FHIT: variants seen among roughly 807,000 people sequenced by gnomAD.
The protein encoded by FHIT is bis(5'-adenosyl)-triphosphatase.
FHIT carries 19 observed loss-of-function variants against 17.9 expected under a neutral mutation model. The observed-to-expected ratio is 1.06, with a 90% CI of 0.74 to 1.56. The LOEUF is 1.56. Ranked by LOEUF, FHIT falls within the 40% of genes most tolerant of loss-of-function variation. FHIT has a pLI of 0.00. For synonymous variants in FHIT, 81 were observed against 69.7 expected (o/e 1.16, Z -0.81); for missense variants, 248 against 189.2 (o/e 1.31, Z -1.82).
intron 8 of FHIT, among the ~76,000 whole-genome samples, chr3:59,902,597 T>C (rs1026039693): frequency 6.6e-5 from 10 of 151,864 alleles, no homozygotes; most frequent in Non-Finnish European, 1.2e-4. Context: ...AATAATGGAA[T>C]ACGATTTACT....
At chr3:61,137,049 T>C (rs979060552) in intron 2 of FHIT, among the ~76,000 whole-genome samples, 1 of 152,172 alleles carries the variant, frequency 6.6e-6, no homozygotes, top group Admixed American at 6.5e-5. Context: ...TTTCAGAATC[T>C]AGAGATGCTT....
At chr3:60,629,896 T>G (rs114309418) in intron 4 of FHIT, among the ~76,000 whole-genome samples, 3 of 152,152 alleles carry the variant, frequency 2.0e-5, no homozygotes, top group African/African-American at 7.2e-5. Flanking sequence ...CACTCTAGTA[T>G]TCTCAGAGCC....
intron 4 of FHIT, among the ~76,000 whole-genome samples, chr3:60,628,683 A>AT: frequency 6.6e-6 from 1 of 152,264 alleles, no homozygotes; most frequent in Non-Finnish European, 1.5e-5. Context: ...TAGCTTGTAG[A>AT]TTTTATAGAG....
intron 5 of FHIT, among the ~76,000 whole-genome samples, chr3:60,225,505 G>A (rs554614251): frequency 6.6e-6 from 1 of 152,166 alleles, no homozygotes; most frequent in South Asian, 2.1e-4. Context: ...ATTAGGGATG[G>A]GAGAGAGTTG....
intron 5 of FHIT, among the ~76,000 whole-genome samples, chr3:60,341,835 C>T (rs575253082): frequency 1.3e-5 from 2 of 152,158 alleles, no homozygotes; most frequent in Admixed American, 6.5e-5. Context: ...ATATTCGCAC[C>T]GCCTGGGTCA....
At chr3:60,205,980 A>T (rs1260730691) in intron 5 of FHIT, among the ~76,000 whole-genome samples, 2 of 150,986 alleles carry the variant, frequency 1.3e-5, no homozygotes, top group African/African-American at 4.9e-5. Flanking sequence ...AAAAAATAAA[A>T]AAATTAGCCG....
chr3:60,656,419 A>G (rs1331954686), intron 4 of FHIT, among the ~76,000 whole-genome samples: 3 of 152,192 alleles, frequency 2.0e-5, no homozygotes, highest in African/African-American at 7.2e-5. Context: ...TCCCACAGCT[A>G]GAAGGCTAAC....
At chr3:60,239,906 T>C (rs76557298) in intron 5 of FHIT, among the ~76,000 whole-genome samples, 2,033 of 152,252 alleles carry the variant, frequency 0.013, 37 homozygotes, top group African/African-American at 0.046. Flanking sequence ...CTCTCCCTAT[T>C]ATTGGCCTTA....
At chr3:60,521,573 T>A (rs751096924) in intron 5 of FHIT, among the ~76,000 whole-genome samples, 14 of 152,150 alleles carry the variant, frequency 9.2e-5, no homozygotes, top group Non-Finnish European at 1.3e-4. Flanking sequence ...ATACCATGCT[T>A]CCAATATGCC....
At chr3:59,911,441 A>G (rs1334640064) in intron 8 of FHIT, among the ~76,000 whole-genome samples, 1 of 152,166 alleles carries the variant, frequency 6.6e-6, no homozygotes, top group African/African-American at 2.4e-5. Flanking sequence ...TGGATTGTCT[A>G]TCTTGGAGAG....
intron 5 of FHIT, among the ~76,000 whole-genome samples, chr3:60,364,035 T>C (rs1453656790): frequency 6.6e-6 from 1 of 152,164 alleles, no homozygotes; most frequent in Non-Finnish European, 1.5e-5. Flanking sequence ...GCAGTCACTA[T>C]AACATCATCT....
intron 7 of FHIT, among the ~76,000 whole-genome samples, chr3:59,943,818 A>T (rs1706658718): frequency 6.6e-6 from 1 of 152,164 alleles, no homozygotes; most frequent in African/African-American, 2.4e-5. Context: ...TAGTGGAGAA[A>T]AATGCAGCCC....
chr3:59,753,807 A>C (rs557318239), intron 8 of FHIT, among the ~76,000 whole-genome samples: 111 of 152,236 alleles, frequency 7.3e-4, no homozygotes, highest in African/African-American at 2.2e-3. Flanking sequence ...CCCCGGTCCA[A>C]AGATCACCCA....
chr3:61,030,575 G>A (rs940530064), intron 3 of FHIT, among the ~76,000 whole-genome samples: 1 of 152,168 alleles, frequency 6.6e-6, no homozygotes, highest in Non-Finnish European at 1.5e-5. Context: ...GAACAAAGAA[G>A]ACAAAGATCT....
rs183884959 is a variant in FHIT, at chr3:59,823,929, G to A, written c.349-71608C>T. Among the ~76,000 whole-genome samples, 325 of 152,266 alleles carry A rather than the reference G, an allele frequency of 2.1e-3. 1 individual carries two copies. The highest frequency in any genetic ancestry group is 7.4e-3 in the African/African-American group (306 of 41,538). The stretch of plus-strand genomic sequence containing the variant: ...AACTGTCGCTGTTTGCTGATGATAT[G>A]ATCATATACCTAGGAAACCCTAAAG... On this transcript the variant is annotated intron_variant, in intron 8 of 9. Transcript: ENST00000492590.
intron 5 of FHIT, among the ~76,000 whole-genome samples, chr3:60,454,560 A>G (rs2031966243): frequency 6.6e-6 from 1 of 151,628 alleles, no homozygotes. Flanking sequence ...AATTTTTGGT[A>G]TTTTTAGTAG....
intron 8 of FHIT, among the ~76,000 whole-genome samples, chr3:59,775,893 G>A (rs1452701242): frequency 6.6e-6 from 1 of 152,230 alleles, no homozygotes; most frequent in African/African-American, 2.4e-5. Context: ...TTCTCAAGTG[G>A]TGAGCGATGG....
At chr3:60,499,805 G>T (rs545686681) in intron 5 of FHIT, among the ~76,000 whole-genome samples, 1 of 152,204 alleles carries the variant, frequency 6.6e-6, no homozygotes, top group East Asian at 1.9e-4. Flanking sequence ...CTCCTCGTTA[G>T]TTCTTACAGC....
In FHIT at chr3:60,526,977, G is replaced by GAGGA. The variant is rs1276847820; in HGVS notation, c.103+9882_103+9883insTCCT. Among the ~76,000 whole-genome samples, 3 of 152,298 alleles carry GAGGA rather than the reference G, an allele frequency of 2.0e-5. No individual in the cohort carries two copies. In the East Asian group the frequency reaches 5.8e-4, roughly 29 times the overall value. On this transcript the variant is annotated intron_variant, in intron 5 of 9. Transcript: ENST00000492590. ...TCCTCACGTATCCTCTCCCTTTGCG[G>GAGGA]TTTGGGGGCGTGGAGGTATGTTTCA...
Sources: allele counts gnomAD v4.1 joint callset (sites outside exome capture counted in the v4.1 genomes callset), GRCh38; gene constraint gnomAD v4.1.1; transcripts MANE v1.5; gene names NCBI Gene and HGNC (gene_info 2026-07-23, HGNC 2026-07-21).